Variants in FLI1 observed in about 807,000 individuals in gnomAD.
FLI1 encodes Fli-1 proto-oncogene, ETS transcription factor, also known as Friend leukemia integration 1 transcription factor.
Under a neutral mutation model 53.1 loss-of-function variants are expected in FLI1, and 13 were observed. The ratio of observed to expected loss-of-function variants is 0.24; its 90% CI spans 0.16 to 0.39. The LOEUF is 0.39. Among genes scored for constraint, FLI1 ranks in the 10% least tolerant of loss-of-function variants. The pLI, the probability that FLI1 is intolerant of heterozygous loss-of-function variation, is 1.00. For missense variants in FLI1, 424 were observed against 600.5 expected (o/e 0.71, Z 3.07); for synonymous variants, 244 against 236.7 (o/e 1.03, Z -0.28).
At chr11:128,739,419 C>T (rs111735369) in intron 1 of FLI1, among the ~76,000 whole-genome samples, 22 of 151,822 alleles carry the variant, frequency 1.4e-4, no homozygotes, top group Non-Finnish European at 2.8e-4. Context: ...GCTGCCCCCA[C>T]CCCTCAACCC....
chr11:128,800,390 G>A (rs2135905319), intron 5 of FLI1, among the ~76,000 whole-genome samples: 1 of 152,340 alleles, frequency 6.6e-6, no homozygotes, highest in South Asian at 2.1e-4. Flanking sequence ...TTTGTGGGCT[G>A]ATGTCGCTGT....
intron 1 of FLI1, among the ~76,000 whole-genome samples, chr11:128,734,905 G>A (rs1409280864): frequency 6.6e-6 from 1 of 152,190 alleles, no homozygotes; most frequent in Non-Finnish European, 1.5e-5. Context: ...TATCAATATG[G>A]AAAAATAAAT....
At chr11:128,689,274 G>A (rs1937645497), upstream of FLI1, among the ~76,000 whole-genome samples, 1 of 152,194 alleles carries the variant, frequency 6.6e-6, no homozygotes, top group South Asian at 2.1e-4. Context: ...ACCCTGACCC[G>A]CACCTGCACG....
At chr11:128,759,743 T>C (rs545237786) in intron 2 of FLI1, among the ~76,000 whole-genome samples, 9 of 152,182 alleles carry the variant, frequency 5.9e-5, no homozygotes, top group Non-Finnish European at 1.3e-4. Context: ...TTGTGAGCAA[T>C]GGGTAGAACA....
intron 1 of FLI1, among the ~76,000 whole-genome samples, chr11:128,754,703 C>T (rs1333903880): frequency 6.6e-6 from 1 of 152,196 alleles, no homozygotes; most frequent in East Asian, 1.9e-4. Flanking sequence ...GTATTCACAA[C>T]TTGCAAGGGA....
chr11:128,694,119 A>T lies in FLI1; in HGVS notation c.-140A>T. On this transcript the variant is annotated 5_prime_UTR_variant, in exon 1 of 9. Coordinates refer to ENST00000527786, the MANE Select transcript of FLI1 (RefSeq NM_002017.5). ...CAAACGTGCACAGGGGAGTGAGGGC[A>T]GGGCGCTCGCAGGGGGCACGCAGGG... is the stretch of plus-strand genomic sequence containing the variant. The T allele has an allele frequency of 1.3e-6, 1 of 760,888 alleles. No homozygotes were observed. The highest frequency in any genetic ancestry group is 3.3e-5 in the East Asian group (1 of 30,070). The allele number at this position is 760,888 out of a possible 1,614,324, so 47.1% of individuals were successfully genotyped here. A position where few individuals can be genotyped will look rare whatever the true frequency, so the allele number is the denominator to read the frequency against.
In FLI1 at chr11:128,800,950, GGT is replaced by G. The variant is rs1408209031; in HGVS notation, c.656-4413_656-4412del. On this transcript the variant is annotated intron_variant, in intron 5 of 8. Transcript: ENST00000527786. ...TTATCTTGGTACTCTGTAAAGCCAA[GGT>G]GTCAGCCTTCACGACAGTGAAAAGT... 3.3e-5 allele frequency among the ~76,000 whole-genome samples: 5 copies of G among 152,324 alleles called. No individual in the cohort carries two copies. In the East Asian group the frequency reaches 9.6e-4, roughly 29 times the overall value.
At position 128,790,139 on chromosome 11, in the gene FLI1, A is replaced by G. The variant is rs1942226633; in HGVS notation, c.655+8116A>G. On this transcript the variant is annotated intron_variant, in intron 5 of 8. Transcript: ENST00000527786. Reference sequence around the variant, plus strand: ...TGGTCCAAAGGCAAGATTTATGATTATGGGATAGACAGTAGCTTGCTCTCT... The same window carrying G: ...TGGTCCAAAGGCAAGATTTATGATTGTGGGATAGACAGTAGCTTGCTCTCT... 2.6e-5 allele frequency among the ~76,000 whole-genome samples: 4 copies of G among 151,700 alleles called. No individual in the cohort carries two copies. In the South Asian group the frequency reaches 6.2e-4, roughly 24 times the overall value.
chr11:128,768,585 G>C (rs1591796504), intron 3 of FLI1: 1 of 311,512 alleles, frequency 3.2e-6, no homozygotes, highest in East Asian at 6.7e-5. Flanking sequence ...GCTACTCAGG[G>C]GGCTGAAGCA....
intron 1 of FLI1, among the ~76,000 whole-genome samples, chr11:128,694,882 C>T (rs1205620994): frequency 1.3e-5 from 2 of 152,162 alleles, no homozygotes; most frequent in African/African-American, 4.8e-5. Flanking sequence ...CCTCTCGGCA[C>T]TCAGTCGCCC....
chr11:128,742,955 A>C (rs2135778873), intron 1 of FLI1, among the ~76,000 whole-genome samples: 1 of 152,286 alleles, frequency 6.6e-6, no homozygotes, highest in South Asian at 2.1e-4. Context: ...TTGCTCTCAC[A>C]GTTTCCCAAG....
intron 1 of FLI1, among the ~76,000 whole-genome samples, chr11:128,713,743 C>T (rs1483058539): frequency 3.3e-5 from 5 of 152,100 alleles, no homozygotes; most frequent in African/African-American, 9.7e-5. Flanking sequence ...CAAAGGCTTC[C>T]TTAAGGAAGT....
intron 2 of FLI1, among the ~76,000 whole-genome samples, chr11:128,766,173 C>T (rs1304082409): frequency 6.6e-6 from 1 of 152,212 alleles, no homozygotes; most frequent in East Asian, 1.9e-4. Flanking sequence ...CGGGCCAGAG[C>T]TCAGCTCAGA....
chr11:128,694,396 C>T lies in FLI1; in HGVS notation c.18+120C>T, dbSNP rs565927768. On this transcript the variant is annotated intron_variant, in intron 1 of 8. Coordinates refer to ENST00000527786, the MANE Select transcript of FLI1 (RefSeq NM_002017.5). ...GGCCTCTCTCCCTTCCCTCCGCGCCCCGGCTTCGCGCCGGCTCCTCCGGCG... is the reference window on the plus strand; with the variant it reads ...GGCCTCTCTCCCTTCCCTCCGCGCCTCGGCTTCGCGCCGGCTCCTCCGGCG... 2.5e-4 allele frequency: 206 copies of T among 818,286 alleles called. No individual in the cohort carries two copies. In the East Asian group the frequency reaches 6.8e-3, roughly 27 times the overall value. The allele number at this position is 818,286 out of a possible 1,614,324, so 50.7% of individuals were successfully genotyped here. A position where few individuals can be genotyped will look rare whatever the true frequency, so the allele number is the denominator to read the frequency against.
At chr11:128,745,113 G>T (rs1179002850) in intron 1 of FLI1, among the ~76,000 whole-genome samples, 1 of 152,142 alleles carries the variant, frequency 6.6e-6, no homozygotes, top group Non-Finnish European at 1.5e-5. Context: ...TGCCTCCAAA[G>T]GTTAAGAGTG....
chr11:128,726,727 G>A (rs1939500135), intron 1 of FLI1, among the ~76,000 whole-genome samples: 2 of 152,316 alleles, frequency 1.3e-5, no homozygotes, highest in South Asian at 4.1e-4. Context: ...CAAGTGTCTT[G>A]GGGTGCTTTG....
chr11:128,729,137 G>A (rs1343101749), intron 1 of FLI1, among the ~76,000 whole-genome samples: 2 of 152,184 alleles, frequency 1.3e-5, no homozygotes, highest in Admixed American at 6.5e-5. Context: ...GGATGTGTAC[G>A]AGGGCAACAC....
chr11:128,745,112 A>C (rs1940322438), intron 1 of FLI1, among the ~76,000 whole-genome samples: 2 of 152,216 alleles, frequency 1.3e-5, no homozygotes, highest in Admixed American at 1.3e-4. Context: ...ATGCCTCCAA[A>C]GGTTAAGAGT....
In FLI1 at chr11:128,805,380, T is replaced by C. The variant is rs1276105388; in HGVS notation, c.670T>C (p.Ser224Pro). 2 of 1,587,900 alleles carry C rather than the reference T, an allele frequency of 1.3e-6. No homozygotes were observed. The highest frequency in any genetic ancestry group is 8.6e-7 in the Non-Finnish European group (1 of 1,164,002). Residue 224 changes from serine to proline, a missense_variant, in exon 6 of 9, where the codon TCA (serine) becomes CCA (proline). Physicochemically the swap from Ser to Pro is moderately conservative, Grantham distance 74 (BLOSUM62 -1). This residue lies in a region of FLI1 where 114 missense variants were observed against 117.9 expected (regional missense o/e 0.97). Transcript: ENST00000527786. ...LSVKEDPSYDSVRRGAWGNNM... is the reference protein window; with the variant it reads ...LSVKEDPSYDPVRRGAWGNNM... The stretch of plus-strand genomic sequence containing the variant: ...TTGTTCATTAGACCCTTCTTATGAC[T>C]CAGTCAGAAGAGGAGCTTGGGGCAA...
Sources: gnomAD v4.1 joint callset for allele counts (sites outside exome capture counted in the v4.1 genomes callset) on GRCh38, gnomAD v4.1.1 for gene constraint, gnomAD v4.1.1 regional missense constraint, MANE v1.5 for transcripts, NCBI Gene and HGNC (gene_info 2026-07-23, HGNC 2026-07-21) for gene names.